DSCAM: variants seen among roughly 807,000 people sequenced by gnomAD.
The protein encoded by DSCAM is DS cell adhesion molecule.
In DSCAM, 47 loss-of-function variants were observed where a neutral mutation model predicts 217.7. The ratio of observed to expected loss-of-function variants is 0.22; its 90% CI spans 0.17 to 0.28. The LOEUF (loss-of-function observed/expected upper bound fraction) is 0.28. Ranked by LOEUF, DSCAM falls within the 10% of genes least tolerant of loss-of-function variation. The probability of loss-of-function intolerance (pLI) is 1.00; values close to 1 mark genes in which losing one functional copy is unlikely to be tolerated. For synonymous variants in DSCAM, 1,056 were observed against 1,015.3 expected, an observed-to-expected ratio of 1.04 and a Z score of -0.76; for missense variants, 2,080 against 2,618.3, an observed-to-expected ratio of 0.79 and a Z score of 4.49.
intron 8 of DSCAM, among the ~76,000 whole-genome samples, chr21:40,335,422 G>A (rs961622641): frequency 6.6e-6 from 1 of 151,956 alleles, no homozygotes; most frequent in Non-Finnish European, 1.5e-5. Flanking sequence ...TTATTCTTTT[G>A]GCCATAAGCT....
At chr21:40,392,144 C>G (rs189656832) in intron 3 of DSCAM, among the ~76,000 whole-genome samples, 1 of 152,170 alleles carries the variant, frequency 6.6e-6, no homozygotes, top group South Asian at 2.1e-4. Context: ...ATCTCATATT[C>G]AAATATTGGG....
chr21:40,290,549 A>C (rs1309162823), intron 10 of DSCAM, among the ~76,000 whole-genome samples: 1 of 152,292 alleles, frequency 6.6e-6, no homozygotes, highest in East Asian at 1.9e-4. Context: ...TGAACCCGGG[A>C]GGTGGAGGTT....
chr21:40,662,781 G>T (rs992633278), intron 3 of DSCAM, among the ~76,000 whole-genome samples: 1 of 152,160 alleles, frequency 6.6e-6, no homozygotes, highest in African/African-American at 2.4e-5. Context: ...CCACCAGGAA[G>T]AGGGCCCTCA....
At chr21:40,055,459 T>G (rs1225779330) in intron 29 of DSCAM, among the ~76,000 whole-genome samples, 1 of 152,134 alleles carries the variant, frequency 6.6e-6, no homozygotes, top group Admixed American at 6.5e-5. Context: ...AGATCCCAAA[T>G]GGATCAGAGC....
intron 3 of DSCAM, among the ~76,000 whole-genome samples, chr21:40,555,080 TTA>T (rs1457451992): frequency 6.6e-6 from 1 of 152,192 alleles, no homozygotes; most frequent in Non-Finnish European, 1.5e-5. Context: ...TCAAAAATCT[TTA>T]TAGTTTATAC....
chr21:40,777,301 T>C (rs1211144240), intron 1 of DSCAM, among the ~76,000 whole-genome samples: 1 of 152,218 alleles, frequency 6.6e-6, no homozygotes, highest in Admixed American at 6.5e-5. Flanking sequence ...CATTGGGGAT[T>C]AGGTTACAAC....
At chr21:40,517,889 T>C (rs2076316082) in intron 3 of DSCAM, among the ~76,000 whole-genome samples, 1 of 152,180 alleles carries the variant, frequency 6.6e-6, no homozygotes, top group African/African-American at 2.4e-5. Context: ...GAGTTCAGCC[T>C]GGGTCCAGCC....
chr21:40,629,434 C>T (rs2089656863), intron 3 of DSCAM: 1 of 152,182 alleles, frequency 6.6e-6, no homozygotes, highest in Non-Finnish European at 1.5e-5. Context: ...GGGAAGATTA[C>T]ATATCTATCA....
chr21:40,620,477 G>A (rs992344216), intron 3 of DSCAM, among the ~76,000 whole-genome samples: 1 of 148,912 alleles, frequency 6.7e-6, no homozygotes, highest in Admixed American at 6.7e-5. Flanking sequence ...GAAGGAAAAA[G>A]GGAAGGGAAG....
At chr21:40,804,901 T>G (rs2091772121) in intron 1 of DSCAM, among the ~76,000 whole-genome samples, 1 of 152,116 alleles carries the variant, frequency 6.6e-6, no homozygotes. Context: ...TATTCAGAGG[T>G]GTTTCAAGCT....
At chr21:40,064,753 G>T (rs2146523998) in intron 27 of DSCAM, among the ~76,000 whole-genome samples, 1 of 152,322 alleles carries the variant, frequency 6.6e-6, no homozygotes, top group Admixed American at 6.5e-5. Context: ...AGGTCAATTT[G>T]ACTGGACAGA....
At chr21:40,578,482 A>G (rs13049172) in intron 3 of DSCAM, among the ~76,000 whole-genome samples, 77,715 of 146,134 alleles carry the variant, frequency 0.53, 20,854 homozygotes, top group East Asian at 0.62. Flanking sequence ...ACCAATCAGC[A>G]CTCTGTAAAA....
At chr21:40,373,300 G>A (rs933696281) in intron 3 of DSCAM, among the ~76,000 whole-genome samples, 1 of 152,192 alleles carries the variant, frequency 6.6e-6, no homozygotes, top group African/African-American at 2.4e-5. Context: ...ACCAGCAGGT[G>A]TTATAGGTGG....
At chr21:40,101,556 A>G (rs542979233) in intron 20 of DSCAM, among the ~76,000 whole-genome samples, 15 of 152,100 alleles carry the variant, frequency 9.9e-5, no homozygotes, top group African/African-American at 3.1e-4. Flanking sequence ...TTCCCATAAG[A>G]AGCATGCAGT....
chr21:40,256,550 G>A (rs2073375136), intron 11 of DSCAM, among the ~76,000 whole-genome samples: 1 of 152,174 alleles, frequency 6.6e-6, no homozygotes, highest in Admixed American at 6.5e-5. Context: ...CCAGCCAGCA[G>A]GCTGTACCCA....
intron 1 of DSCAM, among the ~76,000 whole-genome samples, chr21:40,814,247 C>A (rs1273600607): frequency 1.3e-5 from 2 of 152,206 alleles, no homozygotes; most frequent in African/African-American, 4.8e-5. Flanking sequence ...ACCGCAGAAC[C>A]ATGCAGACTC....
Position 40,419,357 on chromosome 21 carries a change from G to T in DSCAM, c.509-50112C>A, listed in dbSNP as rs115363081. ...AGATAGAAAAATTCATGAAGTATCC[G>T]AAATATTATTTAAAAGAGAAATAAT... On this transcript the variant is annotated intron_variant, in intron 3 of 32. Coordinates refer to ENST00000400454, the MANE Select transcript of DSCAM (RefSeq NM_001389.5). Among the ~76,000 whole-genome samples, 1,457 of 152,112 alleles carry T rather than the reference G, an allele frequency of 9.6e-3. 36 individuals are homozygous for T. The highest frequency in any genetic ancestry group is 0.033 in the African/African-American group (1,384 of 41,508).
chr21:40,321,879 G>A (rs550876772), intron 8 of DSCAM, among the ~76,000 whole-genome samples: 6 of 152,120 alleles, frequency 3.9e-5, no homozygotes, highest in South Asian at 2.1e-4. Context: ...CACCCTGTCC[G>A]AGCCCCATTC....
At chr21:40,585,333 C>CTTAAAAGAACACA (rs2076937233) in intron 3 of DSCAM, among the ~76,000 whole-genome samples, 2 of 52,928 alleles carry the variant, frequency 3.8e-5, no homozygotes, top group Non-Finnish European at 5.1e-5. Context: ...AAGAAAAATG[C>CTTAAAAGAACACA]TGCGTGAACC....
Sources: allele counts gnomAD v4.1 joint callset (sites outside exome capture counted in the v4.1 genomes callset), GRCh38; gene constraint gnomAD v4.1.1; transcripts MANE v1.5; gene names NCBI Gene and HGNC (gene_info 2026-07-23, HGNC 2026-07-21).